The following MBP variants were observed in gnomAD, a reference collection of about 807,000 sequenced individuals.
The protein encoded by MBP is Golli-MBP.
Under a neutral mutation model 35.8 loss-of-function variants are expected in MBP, and 16 were observed. The observed-to-expected ratio is 0.45, with a 90% CI of 0.30 to 0.68. The LOEUF (loss-of-function observed/expected upper bound fraction) is 0.68, where lower values mean the gene tolerates loss of function less well. Ranked by LOEUF, MBP falls within the 30% of genes least tolerant of loss-of-function variation. MBP has a pLI of 0.08. For missense variants in MBP, 380 were observed against 404.7 expected, an observed-to-expected ratio of 0.94 and a Z score of 0.52; for synonymous variants, 143 against 159.6, an observed-to-expected ratio of 0.90 and a Z score of 0.78.
intron 2 of MBP, among the ~76,000 whole-genome samples, chr18:77,069,794 T>C (rs1007387014): frequency 6.6e-6 from 1 of 152,162 alleles, no homozygotes. Flanking sequence ...GTCCCACAGC[T>C]ATGGTGCGTC....
chr18:77,033,483 T>G (rs1972616233), intron 3 of MBP, among the ~76,000 whole-genome samples: 1 of 152,176 alleles, frequency 6.6e-6, no homozygotes, highest in African/African-American at 2.4e-5. Flanking sequence ...GCTATCAAAA[T>G]GTTTCTAAAA....
chr18:77,128,350 G>T (rs1308869470), intron 1 of MBP, among the ~76,000 whole-genome samples: 1 of 152,162 alleles, frequency 6.6e-6, no homozygotes, highest in East Asian at 1.9e-4. Flanking sequence ...ATAGAAAATA[G>T]GAACCATACT....
intron 2 of MBP, among the ~76,000 whole-genome samples, chr18:77,099,556 A>ACGCAAGGAT (rs1370642264): frequency 6.6e-6 from 1 of 152,204 alleles, no homozygotes; most frequent in Non-Finnish European, 1.5e-5. Flanking sequence ...TGACGCTCCC[A>ACGCAAGGAT]CGCAAGGATC....
chr18:77,124,010 C>G (rs1976965486), intron 1 of MBP, among the ~76,000 whole-genome samples: 1 of 152,204 alleles, frequency 6.6e-6, no homozygotes. Context: ...CTTCCCAGCA[C>G]AGGGCATTTT....
At chr18:77,083,768 C>G (rs1789129) in intron 2 of MBP, among the ~76,000 whole-genome samples, 116,064 of 152,112 alleles carry the variant, frequency 0.76, 44,727 homozygotes, top group East Asian at 0.83. Context: ...TCATGGAAAT[C>G]ATTCCACTCA....
In MBP at chr18:77,106,444, C is replaced by T. The variant is rs570411348; in HGVS notation, c.-25-1158G>A. 5.3e-5 allele frequency among the ~76,000 whole-genome samples: 8 copies of T among 152,254 alleles called. No individual in the cohort carries two copies. The East Asian group carries it at 7.7e-4, about 15-fold the overall frequency. On this transcript the variant is annotated intron_variant, in intron 1 of 8. Transcript: ENST00000355994. ...AAGGATTGCTGAGAAGAGAAGCAAA[C>T]GCCTACAGCACAGTCGCCACTCCCG...
intron 1 of MBP, among the ~76,000 whole-genome samples, chr18:77,125,865 A>G (rs895747119): frequency 4.3e-5 from 6 of 138,984 alleles, no homozygotes; most frequent in African/African-American, 1.6e-4. Context: ...CAAATCAATA[A>G]TCTAAGATCT....
intron 4 of MBP, among the ~76,000 whole-genome samples, chr18:76,991,424 A>G (rs1969909568): frequency 6.6e-6 from 1 of 152,154 alleles, no homozygotes; most frequent in Admixed American, 6.5e-5. Context: ...CAGGTGACAC[A>G]GGGGACATAG....
chr18:77,021,164 T>G (rs984199555), intron 3 of MBP, among the ~76,000 whole-genome samples: 1 of 152,170 alleles, frequency 6.6e-6, no homozygotes, highest in Non-Finnish European at 1.5e-5. Context: ...GGTGGAAGAT[T>G]CTACGTCTCT....
rs1972957542 is a variant in MBP at position 77,040,727 on chromosome 18, T to C, written c.140-23459A>G. ...TGGTGCTGGGAAAACTGGCTAGCCA[T>C]ATGTAGAAAGCTGAAATTGGATCCC... On this transcript the variant is annotated intron_variant, in intron 3 of 8. Coordinates refer to ENST00000355994, the MANE Select transcript of MBP (RefSeq NM_001025101.2). Among the ~76,000 whole-genome samples the C allele has an allele frequency of 1.1e-4, 16 of 152,328 alleles. No homozygotes were observed. In the South Asian group the frequency reaches 3.3e-3, roughly 32 times the overall value.
At chr18:77,023,602 C>T (rs558149003) in intron 3 of MBP, among the ~76,000 whole-genome samples, 31 of 152,304 alleles carry the variant, frequency 2.0e-4, no homozygotes, top group African/African-American at 7.5e-4. Context: ...CCTGCACGGA[C>T]TCCTCATTCT....
At chr18:77,052,815 C>T (rs971425397) in intron 3 of MBP, among the ~76,000 whole-genome samples, 3 of 152,078 alleles carry the variant, frequency 2.0e-5, no homozygotes, top group East Asian at 1.9e-4. Flanking sequence ...CCTGAGTCCC[C>T]GAGCCCCCAC....
intron 3 of MBP, among the ~76,000 whole-genome samples, chr18:77,048,012 G>A (rs991301521): frequency 1.4e-4 from 21 of 152,236 alleles, no homozygotes; most frequent in East Asian, 1.2e-3. Context: ...TGATGATTAC[G>A]CAATGCCAGT....
Position 76,979,790 on chromosome 18 carries a change from G to A in MBP, c.*637C>T, listed in dbSNP as rs1969074398. The A allele has an allele frequency of 3.3e-6, 2 of 598,382 alleles. No homozygotes were observed. Among genetic ancestry groups the A allele is most frequent in the Middle Eastern group, 2.8e-4 (1 of 3,550 alleles). The allele number at this position is 598,382 out of a possible 1,614,324, so 37.1% of individuals were successfully genotyped here. A position where few individuals can be genotyped will look rare whatever the true frequency, so the allele number is the denominator to read the frequency against. ...TTCAGCTAATTGGGGTGTGTGGGCA[G>A]CCACGGCCTGGGGAGGTGGCCCCCT... is the stretch of plus-strand genomic sequence containing the variant. On this transcript the variant is annotated 3_prime_UTR_variant, in exon 9 of 9. Transcript: ENST00000355994.
chr18:77,046,966 G>A (rs1221844144), intron 3 of MBP, among the ~76,000 whole-genome samples: 1 of 152,236 alleles, frequency 6.6e-6, no homozygotes, highest in African/African-American at 2.4e-5. Flanking sequence ...CTGCCTGCAA[G>A]CTCCACATCT....
chr18:77,117,032 G>A (rs1976691868), intron 1 of MBP, among the ~76,000 whole-genome samples: 1 of 152,160 alleles, frequency 6.6e-6, no homozygotes, highest in Non-Finnish European at 1.5e-5. Context: ...CTTGATACTT[G>A]AAGTCCTGGA....
rs780130632 is a variant in MBP, at chr18:77,099,216, A to T, written c.51+5995T>A. On this transcript the variant is annotated intron_variant, in intron 2 of 8. Coordinates refer to ENST00000355994, the MANE Select transcript of MBP (RefSeq NM_001025101.2). ...TGGTGAACTGCATGACGTACACTAT[A>T]CGGGGGGTCTCAGTGTGTTCTGCCT... Among the ~76,000 whole-genome samples the T allele has an allele frequency of 2.0e-5, 3 of 152,294 alleles. No homozygotes were observed. The South Asian group carries it at 6.2e-4, about 32-fold the overall frequency.
intron 2 of MBP, among the ~76,000 whole-genome samples, chr18:77,097,626 C>T (rs1403133940): frequency 1.3e-5 from 2 of 152,190 alleles, no homozygotes; most frequent in Non-Finnish European, 2.9e-5. Flanking sequence ...TGCAGCCTCA[C>T]CCAGCGGGCA....
At chr18:77,064,028 A>G (rs931838336) in intron 3 of MBP, among the ~76,000 whole-genome samples, 4 of 152,234 alleles carry the variant, frequency 2.6e-5, no homozygotes, top group Middle Eastern at 3.2e-3. Context: ...TTAAAAAAAC[A>G]GTAGGCTTAG....
Sources: allele counts gnomAD v4.1 joint callset (sites outside exome capture counted in the v4.1 genomes callset), GRCh38; gene constraint gnomAD v4.1.1; transcripts MANE v1.5; gene names NCBI Gene and HGNC (gene_info 2026-07-23, HGNC 2026-07-21).